The following DNAH11 variants were observed in gnomAD, a reference collection of about 807,000 sequenced individuals.
DNAH11 encodes the protein axonemal beta dynein heavy chain 11.
A neutral mutation model predicts 526.0 loss-of-function variants in DNAH11; 442 were observed. The ratio of observed to expected loss-of-function variants is 0.84; its 90% CI spans 0.78 to 0.91. The LOEUF (loss-of-function observed/expected upper bound fraction) is 0.91, where lower values mean the gene tolerates loss of function less well. Among genes scored for constraint, DNAH11 ranks in the 40% least tolerant of loss-of-function variants. The probability of loss-of-function intolerance (pLI) is 0.00; values close to 1 mark genes in which losing one functional copy is unlikely to be tolerated. For missense variants in DNAH11, 6,989 were observed against 5,448.7 expected (o/e 1.28, Z -8.90); for synonymous variants, 2,461 against 1,935.9 (o/e 1.27, Z -7.12).
At chr7:21,870,774 A>G (rs972265154) in intron 73 of DNAH11, among the ~76,000 whole-genome samples, 1 of 152,208 alleles carries the variant, frequency 6.6e-6, no homozygotes, top group African/African-American at 2.4e-5. Flanking sequence ...ACTTTTGGAT[A>G]TTTGTTTCAG....
intron 76 of DNAH11, among the ~76,000 whole-genome samples, chr7:21,892,122 G>C (rs960450658): frequency 6.6e-6 from 1 of 152,144 alleles, no homozygotes. Context: ...GTGTGTTATA[G>C]GGTAGCCCAG....
intron 62 of DNAH11, among the ~76,000 whole-genome samples, chr7:21,802,628 C>G (rs1789044565): frequency 6.6e-6 from 1 of 152,058 alleles, no homozygotes; most frequent in Non-Finnish European, 1.5e-5. Flanking sequence ...TAATAGCATT[C>G]ATCTATAAAA....
At chr7:21,604,218 A>G (rs1279112973) in intron 18 of DNAH11, among the ~76,000 whole-genome samples, 1 of 152,184 alleles carries the variant, frequency 6.6e-6, no homozygotes, top group Non-Finnish European at 1.5e-5. Flanking sequence ...CCTTAAAGTC[A>G]TGAGGACTCA....
intron 45 of DNAH11, among the ~76,000 whole-genome samples, chr7:21,732,623 A>G (rs1201958549): frequency 1.3e-5 from 2 of 152,216 alleles, no homozygotes; most frequent in African/African-American, 2.4e-5. Flanking sequence ...ACCCCTAACA[A>G]TGAGGAAATT....
intron 78 of DNAH11, 26 bp from the exon 79 acceptor site, chr7:21,894,858 T>C (rs1365695050): frequency 6.2e-7 from 1 of 1,613,366 alleles, no homozygotes; most frequent in Non-Finnish European, 8.5e-7. Context: ...AGATATTCAC[T>C]GTGTGGCTTT....
intron 65 of DNAH11, among the ~76,000 whole-genome samples, chr7:21,829,015 C>G (rs1790432095): frequency 6.6e-6 from 1 of 152,304 alleles, no homozygotes; most frequent in Non-Finnish European, 1.5e-5. Flanking sequence ...GTTTGACCAA[C>G]TTGCACAGCC....
rs765933686 is a variant in DNAH11, at chr7:21,816,485, G to A, written c.10351G>A (p.Glu3451Lys). The A allele has an allele frequency of 2.1e-5, 33 of 1,608,026 alleles. No individual in the cohort carries two copies. The highest frequency in any genetic ancestry group is 4.0e-5 in the African/African-American group (3 of 74,802). The change falls in exon 64 of 82, where the codon GAA becomes AAA. Residue 3451 changes from glutamate to lysine, a missense_variant. Physicochemically the swap from Glu to Lys is moderately conservative, Grantham distance 56. Coordinates refer to ENST00000409508, the MANE Select transcript of DNAH11 (RefSeq NM_001277115.2). ...LQQKVSIPLTEGLDLISMLTD... is the reference protein window; with the variant it reads ...LQQKVSIPLTKGLDLISMLTD... ...TTTAAAGGTTTCCATTCCACTAACCGAAGGCCTGGACTTGATATCCATGTT... is the reference window on the plus strand; with the variant it reads ...TTTAAAGGTTTCCATTCCACTAACCAAAGGCCTGGACTTGATATCCATGTT...
In DNAH11 at chr7:21,750,337, T is replaced by G. The variant is rs1554277057; in HGVS notation, c.8913T>G (p.Phe2971Leu). The G allele has an allele frequency of 6.2e-7, 1 of 1,605,764 alleles. No homozygotes were observed. Among genetic ancestry groups the G allele is most frequent in the Non-Finnish European group, 8.5e-7 (1 of 1,175,998 alleles). Residue 2971 changes from phenylalanine (F) to leucine (L), a missense_variant, in exon 54 of 82, where the codon TTT (phenylalanine) becomes TTG (leucine). Transcript: ENST00000409508. ...VDSRENCWKF[F>L]MARVRLQLKI... ...CCAGGGAAAACTGTTGGAAATTCTTTATGGCCAGGGTGCGACTACAGCTCA... is the reference window on the plus strand; with the variant it reads ...CCAGGGAAAACTGTTGGAAATTCTTGATGGCCAGGGTGCGACTACAGCTCA...
intron 68 of DNAH11, 128 bp from the exon 69 acceptor site, chr7:21,861,725 C>G: frequency 1.2e-6 from 1 of 819,016 alleles, no homozygotes; most frequent in Non-Finnish European, 1.9e-6. Flanking sequence ...AAACTATAAT[C>G]CTCCTAAAAA....
intron 54 of DNAH11, among the ~76,000 whole-genome samples, chr7:21,753,559 G>T (rs1175185030): frequency 6.6e-6 from 1 of 152,154 alleles, no homozygotes; most frequent in Non-Finnish European, 1.5e-5. Flanking sequence ...TTCCCAAAAA[G>T]ATGTCTTCTT....
At chr7:21,581,632 A>C (rs1209056095) in intron 8 of DNAH11, among the ~76,000 whole-genome samples, 1 of 152,244 alleles carries the variant, frequency 6.6e-6, no homozygotes. Flanking sequence ...ATGTGAGCCA[A>C]AGCACTGCTG....
chr7:21,830,270 TA>T (rs931310788), intron 65 of DNAH11, among the ~76,000 whole-genome samples: 10 of 137,584 alleles, frequency 7.3e-5, no homozygotes, highest in African/African-American at 3.0e-4. Flanking sequence ...TGATTTATTG[TA>T]AAAAAATTAT....
intron 65 of DNAH11, among the ~76,000 whole-genome samples, chr7:21,819,217 T>C (rs1342368690): frequency 6.6e-6 from 1 of 152,156 alleles, no homozygotes; most frequent in Admixed American, 6.6e-5. Context: ...CCCTGTTCTT[T>C]CTTAACGCCC....
chr7:21,808,970 G>T (rs1450468837), intron 63 of DNAH11, among the ~76,000 whole-genome samples: 1 of 152,094 alleles, frequency 6.6e-6, no homozygotes, highest in Non-Finnish European at 1.5e-5. Flanking sequence ...GTTTTCTGTG[G>T]TGACTGTACT....
chr7:21,660,211 TATAAA>T (rs1398681641), intron 30 of DNAH11, among the ~76,000 whole-genome samples: 1 of 152,120 alleles, frequency 6.6e-6, no homozygotes, highest in Non-Finnish European at 1.5e-5. Flanking sequence ...ATGCCTTTCT[TATAAA>T]ATAGCCTCTG....
At chr7:21,658,765 C>A in intron 29 of DNAH11, 33 bp from the exon 30 acceptor site, 2 of 1,508,876 alleles carry the variant, frequency 1.3e-6, no homozygotes, top group South Asian at 1.3e-5. Context: ...CATAGTTAAG[C>A]CTGTGTTATA....
At chr7:21,618,058 T>C (rs1785865639) in intron 23 of DNAH11, 1 of 264,572 alleles carries the variant, frequency 3.8e-6, no homozygotes, top group Admixed American at 5.0e-5. Flanking sequence ...AGTACACAGA[T>C]TGCACAACTA....
rs900293127 is a variant in DNAH11, at chr7:21,702,089, G to A, written c.6181-621G>A. On this transcript the variant is annotated intron_variant, in intron 36 of 81. Coordinates refer to ENST00000409508, the MANE Select transcript of DNAH11 (RefSeq NM_001277115.2). ...AAATGTAATTGGTCCCAGGGAGCAT[G>A]GAGTTGCAATTGTATCCAATCTCAG... Among the ~76,000 whole-genome samples, 106 of 152,312 alleles carry A rather than the reference G, an allele frequency of 7.0e-4. 1 individual carries two copies. Among genetic ancestry groups the A allele is most frequent in the African/African-American group, 2.5e-3 (103 of 41,564 alleles).
At chr7:21,739,444 G>T in intron 47 of DNAH11, 127 bp from the exon 48 acceptor site, 1 of 654,936 alleles carries the variant, frequency 1.5e-6, no homozygotes, top group Non-Finnish European at 2.5e-6. Context: ...GGCTCACTAG[G>T]TCAACCTCAC....
Sources: gnomAD v4.1 joint callset for allele counts (sites outside exome capture counted in the v4.1 genomes callset) on GRCh38, gnomAD v4.1.1 for gene constraint, MANE v1.5 for transcripts, NCBI Gene and HGNC (gene_info 2026-07-23, HGNC 2026-07-21) for gene names.